Variants in MOB3B observed in about 807,000 individuals in gnomAD.
MOB3B encodes MOB kinase activator 3B.
In MOB3B, 7 loss-of-function variants were observed where a neutral mutation model predicts 18.7. The observed-to-expected ratio is 0.37, with a 90% CI of 0.21 to 0.70. MOB3B has a LOEUF of 0.70. Among genes scored for constraint, MOB3B ranks in the 30% least tolerant of loss-of-function variants. The pLI is 0.52. For synonymous variants in MOB3B, 111 were observed against 99.9 expected (o/e 1.11, Z -0.66); for missense variants, 253 against 281.3 (o/e 0.90, Z 0.72).
At chr9:27,428,014 C>A (rs1196349336) in intron 2 of MOB3B, among the ~76,000 whole-genome samples, 1 of 152,128 alleles carries the variant, frequency 6.6e-6, no homozygotes, top group East Asian at 1.9e-4. Flanking sequence ...TACTTCCATC[C>A]CCAGTTTGTT....
chr9:27,358,293 G>A (rs1329241944), intron 3 of MOB3B, among the ~76,000 whole-genome samples: 1 of 152,184 alleles, frequency 6.6e-6, no homozygotes, highest in African/African-American at 2.4e-5. Flanking sequence ...TGATCAAAGT[G>A]TCCACATTGA....
intron 1 of MOB3B, among the ~76,000 whole-genome samples, chr9:27,525,405 A>G (rs934556814): frequency 2.0e-5 from 3 of 152,180 alleles, no homozygotes; most frequent in Non-Finnish European, 4.4e-5. Flanking sequence ...AAGAGCTTAT[A>G]CATGCTCCCT....
intron 1 of MOB3B, among the ~76,000 whole-genome samples, chr9:27,511,050 G>A (rs558075772): frequency 6.6e-6 from 1 of 152,144 alleles, no homozygotes; most frequent in African/African-American, 2.4e-5. Context: ...TAAACTGACC[G>A]CATGGAGAGG....
intron 3 of MOB3B, among the ~76,000 whole-genome samples, chr9:27,342,884 C>T (rs1443019774): frequency 2.6e-5 from 4 of 150,970 alleles, no homozygotes; most frequent in Non-Finnish European, 5.9e-5. Flanking sequence ...TGCCCGGCCG[C>T]CACCCCGTCT....
chr9:27,386,423 A>C (rs1821650925), intron 2 of MOB3B, among the ~76,000 whole-genome samples: 1 of 152,216 alleles, frequency 6.6e-6, no homozygotes, highest in East Asian at 1.9e-4. Flanking sequence ...TCTGGGAGTA[A>C]TGCTTGTCAA....
At chr9:27,405,373 T>C (rs1171351071) in intron 2 of MOB3B, among the ~76,000 whole-genome samples, 1 of 152,174 alleles carries the variant, frequency 6.6e-6, no homozygotes, top group African/African-American at 2.4e-5. Flanking sequence ...CCCAAAGTGC[T>C]GAGATTACAG....
At chr9:27,509,870 G>A (rs1201303469) in intron 1 of MOB3B, among the ~76,000 whole-genome samples, 3 of 152,186 alleles carry the variant, frequency 2.0e-5, no homozygotes, top group Admixed American at 6.5e-5. Flanking sequence ...GATTACAGGC[G>A]CGCAGCACCG....
rs576093687 is a variant in MOB3B at position 27,363,108 on chromosome 9, G to GT, written c.419-3873dup. 1.6e-3 allele frequency among the ~76,000 whole-genome samples: 250 copies of GT among 152,272 alleles called. 3 individuals carry two copies. The highest frequency in any genetic ancestry group is 5.8e-3 in the African/African-American group (242 of 41,546). On this transcript the variant is annotated intron_variant, in intron 2 of 3. Transcript: ENST00000262244. ...CATGAAAACTGATTGATTTGAGGTG[G>GT]TTTTCTTTCTTCATGGTGCTGCAAA...
intron 3 of MOB3B, among the ~76,000 whole-genome samples, chr9:27,338,658 G>C (rs999671090): frequency 6.6e-6 from 1 of 152,224 alleles, no homozygotes; most frequent in African/African-American, 2.4e-5. Context: ...TAGAAGGTGG[G>C]AACAACAGCA....
At chr9:27,524,944 T>TTACAAA (rs1240297187) in intron 1 of MOB3B, 3 of 1,588,626 alleles carry the variant, frequency 1.9e-6, no homozygotes, top group African/African-American at 2.7e-5. Flanking sequence ...TTTACAGCTC[T>TTACAAA]ATTCAGGAGG....
intron 1 of MOB3B, among the ~76,000 whole-genome samples, chr9:27,468,168 GAA>G (rs1473894791): frequency 2.6e-5 from 4 of 152,200 alleles, no homozygotes; most frequent in Admixed American, 6.5e-5. Context: ...TCTCAGCTAA[GAA>G]AGAAAACCTA....
intron 1 of MOB3B, among the ~76,000 whole-genome samples, chr9:27,516,601 AAAAC>A (rs1020790420): frequency 4.6e-5 from 7 of 152,348 alleles, no homozygotes; most frequent in South Asian, 4.1e-4. Flanking sequence ...ATGCAGAGAC[AAAAC>A]AAACAAACAA....
chr9:27,392,523 T>G (rs1201802414), intron 2 of MOB3B, among the ~76,000 whole-genome samples: 1 of 151,936 alleles, frequency 6.6e-6, no homozygotes. Flanking sequence ...TCACTAACTC[T>G]CACTCATTTC....
rs530819128 is a variant in MOB3B at position 27,399,832 on chromosome 9, G to T, written c.419-40596C>A. ...AATGAGATCGTATCTTCCTACACGT[G>T]CCTAATCCTGTGCCACATAGCTCAG... On this transcript the variant is annotated intron_variant, in intron 2 of 3. Transcript: ENST00000262244. 7.9e-5 allele frequency among the ~76,000 whole-genome samples: 12 copies of T among 152,170 alleles called. No homozygotes were observed. The East Asian group carries it at 2.3e-3, about 29-fold the overall frequency.
rs980148493 is a variant in MOB3B at position 27,351,805 on chromosome 9, T to G, written c.621+7229A>C. Among the ~76,000 whole-genome samples, 3 of 152,186 alleles carry G rather than the reference T, an allele frequency of 2.0e-5. No individual in the cohort carries two copies. In the East Asian group the frequency reaches 5.8e-4, roughly 29 times the overall value. Reference sequence around the variant, plus strand: ...AGTGTATGTGTGGCCTGGCTACCTCTTAGGGCAACATGAGGTCAGTGTATT... The same window carrying G: ...AGTGTATGTGTGGCCTGGCTACCTCGTAGGGCAACATGAGGTCAGTGTATT... On this transcript the variant is annotated intron_variant, in intron 3 of 3. Transcript: ENST00000262244.
intron 2 of MOB3B, among the ~76,000 whole-genome samples, chr9:27,382,066 T>C (rs1821586960): frequency 6.6e-6 from 1 of 151,548 alleles, no homozygotes; most frequent in Non-Finnish European, 1.5e-5. Flanking sequence ...GTCTGCTCTG[T>C]GTCTTTGAGC....
chr9:27,404,668 C>A (rs1338309935), intron 2 of MOB3B, among the ~76,000 whole-genome samples: 1 of 152,076 alleles, frequency 6.6e-6, no homozygotes, highest in African/African-American at 2.4e-5. Context: ...AATTAAACCA[C>A]ATTTTCTTTA....
intron 2 of MOB3B, among the ~76,000 whole-genome samples, chr9:27,434,394 C>G (rs1563867692): frequency 6.6e-6 from 1 of 152,176 alleles, no homozygotes; most frequent in Non-Finnish European, 1.5e-5. Flanking sequence ...ATTCCCCTTT[C>G]TCCACCCACC....
chr9:27,377,118 T>A (rs1821500556), intron 2 of MOB3B, among the ~76,000 whole-genome samples: 1 of 152,332 alleles, frequency 6.6e-6, no homozygotes, highest in East Asian at 1.9e-4. Context: ...GGGAAAATAA[T>A]GAATGGTATT....
Sources: gnomAD v4.1 joint callset for allele counts (sites outside exome capture counted in the v4.1 genomes callset) on GRCh38, gnomAD v4.1.1 for gene constraint, MANE v1.5 for transcripts, NCBI Gene and HGNC (gene_info 2026-07-23, HGNC 2026-07-21) for gene names.